THRB: variants seen among roughly 807,000 people sequenced by gnomAD.
THRB encodes thyroid hormone receptor beta.
A neutral mutation model predicts 47.8 loss-of-function variants in THRB; 12 were observed. The observed-to-expected ratio is 0.25, with a 90% CI of 0.16 to 0.41. The LOEUF (loss-of-function observed/expected upper bound fraction) is 0.41, where lower values mean the gene tolerates loss of function less well. Ranked by LOEUF, THRB falls within the 10% of genes least tolerant of loss-of-function variation. The probability of loss-of-function intolerance (pLI) is 1.00; values close to 1 mark genes in which losing one functional copy is unlikely to be tolerated. For missense variants in THRB, 348 were observed against 589.2 expected (o/e 0.59, Z 4.24); for synonymous variants, 218 against 212.2 (o/e 1.03, Z -0.24).
chr3:24,406,587 C>T (rs2067845822), intron 1 of THRB, among the ~76,000 whole-genome samples: 1 of 146,394 alleles, frequency 6.8e-6, no homozygotes, highest in African/African-American at 2.6e-5. Flanking sequence ...GGTTTGGTAT[C>T]ATCTTTGTTA....
intron 2 of THRB, among the ~76,000 whole-genome samples, chr3:24,323,408 A>C (rs1480038351): frequency 6.6e-6 from 1 of 152,186 alleles, no homozygotes; most frequent in Non-Finnish European, 1.5e-5. Context: ...TGTGGAGTGC[A>C]AGAGCTCCAC....
chr3:24,343,265 G>A (rs2062798111), intron 1 of THRB, among the ~76,000 whole-genome samples: 1 of 152,120 alleles, frequency 6.6e-6, no homozygotes, highest in Non-Finnish European at 1.5e-5. Flanking sequence ...ATGGATTTCA[G>A]TGGAGTCTAT....
In THRB at chr3:24,209,636, G is replaced by A. The variant is rs535997132; in HGVS notation, c.22+19302C>T. 1.6e-4 allele frequency among the ~76,000 whole-genome samples: 25 copies of A among 152,166 alleles called. No homozygotes were observed. In the South Asian group the frequency reaches 2.5e-3, roughly 15 times the overall value. On this transcript the variant is annotated intron_variant, in intron 4 of 10. Coordinates refer to ENST00000646209, the MANE Select transcript of THRB (RefSeq NM_001354712.2). ...TGGGAATTGAACAATGAGTACACTC[G>A]GACACAGGAAGAGGAACATCACACA...
In THRB at chr3:24,135,843, AT is replaced by A. The variant is rs1262056789; in HGVS notation, c.739-2382del. 1.2e-3 allele frequency among the ~76,000 whole-genome samples: 142 copies of A among 119,594 alleles called. 2 individuals are homozygous for A. Among genetic ancestry groups the A allele is most frequent in the South Asian group, 0.011 (44 of 3,852 alleles). 78.5% of individuals were successfully genotyped at this position (119,594 alleles called of 152,430 possible). A position where few individuals can be genotyped will look rare whatever the true frequency, so the allele number is the denominator to read the frequency against. Reference sequence around the variant, plus strand: ...GTCATATATATATATATATATATATATATAATACATAAATATATATTAATTA... The same window carrying A: ...GTCATATATATATATATATATATATAATAATACATAAATATATATTAATTA... On this transcript the variant is annotated intron_variant, in intron 8 of 10. Transcript: ENST00000646209.
At chr3:24,421,001 T>C (rs1001978224) in intron 1 of THRB, among the ~76,000 whole-genome samples, 12 of 152,046 alleles carry the variant, frequency 7.9e-5, no homozygotes, top group African/African-American at 2.4e-4. Context: ...ATATACACCA[T>C]GGAATACTAT....
intron 3 of THRB, among the ~76,000 whole-genome samples, chr3:24,277,104 A>T (rs1292802077): frequency 6.6e-6 from 1 of 152,190 alleles, no homozygotes; most frequent in African/African-American, 2.4e-5. Flanking sequence ...TTGCCATAGA[A>T]GAGATTCCTG....
intron 1 of THRB, among the ~76,000 whole-genome samples, chr3:24,385,064 A>G (rs865812576): frequency 2.6e-5 from 4 of 152,280 alleles, no homozygotes; most frequent in South Asian, 2.1e-4. Context: ...TCTGCATTGA[A>G]GAAAGTATTT....
intron 2 of THRB, among the ~76,000 whole-genome samples, chr3:24,325,452 T>C (rs2058742010): frequency 6.6e-6 from 1 of 152,188 alleles, no homozygotes; most frequent in Admixed American, 6.5e-5. Flanking sequence ...TTTGGGAGGC[T>C]GAGGCGGATG....
At chr3:24,288,235 C>T (rs1216267822) in intron 3 of THRB, among the ~76,000 whole-genome samples, 10 of 152,174 alleles carry the variant, frequency 6.6e-5, no homozygotes, top group Non-Finnish European at 1.5e-5. Context: ...GGCTGGAAGC[C>T]CAGAGAAGTC....
chr3:24,143,864 G>A lies in THRB; in HGVS notation c.533-158C>T, dbSNP rs908299420. On this transcript the variant is annotated intron_variant, in intron 7 of 10. Coordinates refer to ENST00000646209, the MANE Select transcript of THRB (RefSeq NM_001354712.2). Reference sequence around the variant, plus strand: ...ACTGGGACAGTTTCTCTCCTCACCAGCAAACTGCCATTGACTAGTCTTGTC... The same window carrying A: ...ACTGGGACAGTTTCTCTCCTCACCAACAAACTGCCATTGACTAGTCTTGTC... 43 of 708,038 alleles carry A rather than the reference G, an allele frequency of 6.1e-5. No homozygotes were observed. The African/African-American group carries it at 6.8e-4, about 11-fold the overall frequency. The allele number at this position is 708,038 out of a possible 1,614,324, so 43.9% of individuals were successfully genotyped here.
intron 4 of THRB, among the ~76,000 whole-genome samples, chr3:24,213,368 G>T (rs372123727): frequency 2.1e-4 from 32 of 152,278 alleles, no homozygotes; most frequent in Admixed American, 4.6e-4. Context: ...TGGAAAGTTG[G>T]AATCTTACCC....
At chr3:24,372,651 A>G (rs776027026) in intron 1 of THRB, among the ~76,000 whole-genome samples, 1 of 152,052 alleles carries the variant, frequency 6.6e-6, no homozygotes, top group Non-Finnish European at 1.5e-5. Context: ...AATCCCATTC[A>G]CATAATATCT....
chr3:24,141,707 G>A (rs2035473679), intron 8 of THRB, among the ~76,000 whole-genome samples: 1 of 152,186 alleles, frequency 6.6e-6, no homozygotes, highest in Non-Finnish European at 1.5e-5. Context: ...TCTCTATGGG[G>A]AGTAAAGACA....
At chr3:24,483,162 A>G (rs940365591) in intron 1 of THRB, among the ~76,000 whole-genome samples, 1 of 152,090 alleles carries the variant, frequency 6.6e-6, no homozygotes, top group Non-Finnish European at 1.5e-5. Flanking sequence ...CCTCACTTTT[A>G]TTATTCATGT....
At chr3:24,193,630 A>G (rs886303354) in intron 4 of THRB, among the ~76,000 whole-genome samples, 1 of 152,046 alleles carries the variant, frequency 6.6e-6, no homozygotes, top group African/African-American at 2.4e-5. Context: ...ATGGATGTAA[A>G]TAAGTATTTA....
chr3:24,223,615 G>C (rs1400648398), intron 4 of THRB, among the ~76,000 whole-genome samples: 1 of 152,030 alleles, frequency 6.6e-6, no homozygotes, highest in African/African-American at 2.4e-5. Flanking sequence ...TAAGACTTAG[G>C]GTAAAGGATG....
At chr3:24,280,091 T>C (rs1055303748) in intron 3 of THRB, among the ~76,000 whole-genome samples, 2 of 152,176 alleles carry the variant, frequency 1.3e-5, no homozygotes, top group Non-Finnish European at 2.9e-5. Flanking sequence ...TCATAAGCTA[T>C]AGAACCGGGG....
intron 1 of THRB, among the ~76,000 whole-genome samples, chr3:24,393,757 A>G (rs6785472): frequency 0.044 from 6,774 of 152,226 alleles, 466 homozygotes; most frequent in African/African-American, 0.15. Flanking sequence ...GTGAGGTCCT[A>G]TCCTCTGCCA....
intron 1 of THRB, among the ~76,000 whole-genome samples, chr3:24,341,807 G>C (rs911561956): frequency 6.6e-6 from 1 of 152,166 alleles, no homozygotes; most frequent in Non-Finnish European, 1.5e-5. Context: ...ATGAGAATAT[G>C]CCTTAGACAG....
Sources: gnomAD v4.1 joint callset for allele counts (sites outside exome capture counted in the v4.1 genomes callset) on GRCh38, gnomAD v4.1.1 for gene constraint, MANE v1.5 for transcripts, NCBI Gene and HGNC (gene_info 2026-07-23, HGNC 2026-07-21) for gene names.